The following CDCA2 variants were observed in gnomAD, a reference collection of about 807,000 sequenced individuals.
CDCA2 encodes cell division cycle-associated protein 2.
Under a neutral mutation model 67.0 loss-of-function variants are expected in CDCA2, and 44 were observed. The ratio of observed to expected loss-of-function variants is 0.66; its 90% CI spans 0.52 to 0.84. CDCA2 has a LOEUF of 0.84. Among genes scored for constraint, CDCA2 ranks in the 40% least tolerant of loss-of-function variants. CDCA2 has a pLI of 0.00. For synonymous variants in CDCA2, 447 were observed against 418.7 expected (o/e 1.07, Z -0.82); for missense variants, 1,253 against 1,203.2 (o/e 1.04, Z -0.61).
In CDCA2 at chr8:25,488,676, C is replaced by A; in HGVS notation, c.1658C>A (p.Pro553His). Reference protein sequence around the residue: ...QETKCTKRALPKKSQVLKSCR... With the variant: ...QETKCTKRALHKKSQVLKSCR... ...ACAAAGTGTACAAAGAGAGCACTTC[C>A]TAAGAAGAGTCAGGTAAGCATGTGT... is the stretch of plus-strand genomic sequence containing the variant. Residue 553 changes from proline to histidine, a missense_variant, in exon 13 of 15, where the codon CCT (proline) becomes CAT (histidine). By Grantham distance (77) the Pro-to-His change is moderately conservative (BLOSUM62 -2). Coordinates refer to ENST00000330560, the MANE Select transcript of CDCA2 (RefSeq NM_152562.4). 1 of 1,604,958 alleles carries A rather than the reference C, an allele frequency of 6.2e-7. No homozygotes were observed. The highest frequency in any genetic ancestry group is 8.5e-7 in the Non-Finnish European group (1 of 1,176,852).
intron 5 of CDCA2, 98 bp downstream of exon 5, chr8:25,466,423 C>T (rs1263556550): frequency 1.8e-6 from 2 of 1,105,170 alleles, no homozygotes; most frequent in Non-Finnish European, 2.5e-6. Context: ...CTTTTCAGAA[C>T]ACAGGTATAT....
At chr8:25,469,855 C>G in intron 6 of CDCA2, 41 bp from the exon 7 acceptor site, 1 of 1,309,706 alleles carries the variant, frequency 7.6e-7, no homozygotes. Context: ...TAGTAGTACT[C>G]TAATTAATAA....
chr8:25,479,405 G>C (rs1370530299), intron 7 of CDCA2, among the ~76,000 whole-genome samples: 2 of 152,198 alleles, frequency 1.3e-5, no homozygotes, highest in Non-Finnish European at 2.9e-5. Flanking sequence ...CCTGTGGGAA[G>C]AATTTGGGAA....
At chr8:25,503,154 T>C (rs941682846) in intron 13 of CDCA2, among the ~76,000 whole-genome samples, 1 of 152,014 alleles carries the variant, frequency 6.6e-6, no homozygotes, top group Admixed American at 6.6e-5. Context: ...CGTGGTGGTA[T>C]GTACCTGTGG....
chr8:25,479,595 G>A (rs1216553640), intron 7 of CDCA2: 5 of 349,214 alleles, frequency 1.4e-5, no homozygotes, highest in African/African-American at 1.0e-4. Flanking sequence ...GGTGTCATGA[G>A]TAGAGGCACG....
chr8:25,474,159 G>A (rs1803261789), intron 7 of CDCA2, among the ~76,000 whole-genome samples: 1 of 152,190 alleles, frequency 6.6e-6, no homozygotes, highest in Non-Finnish European at 1.5e-5. Flanking sequence ...TGATCATGGT[G>A]AATGATTCTT....
rs114124918 is a variant in CDCA2, at chr8:25,482,886, A to G, written c.1033-513A>G. Reference sequence around the variant, plus strand: ...TTGTCTCAAAAATAAATAAATAAATAAAAAGTATGCTTTTACATGACATTT... The same window carrying G: ...TTGTCTCAAAAATAAATAAATAAATGAAAAGTATGCTTTTACATGACATTT... On this transcript the variant is annotated intron_variant, in intron 8 of 14. Coordinates refer to ENST00000330560, the MANE Select transcript of CDCA2 (RefSeq NM_152562.4). 2.8e-3 allele frequency among the ~76,000 whole-genome samples: 428 copies of G among 152,274 alleles called. 3 individuals are homozygous for G. Among genetic ancestry groups the G allele is most frequent in the African/African-American group, 9.8e-3 (406 of 41,540 alleles).
Position 25,484,102 on chromosome 8 carries a change from A to G in CDCA2, c.1257A>G (p.Thr419=), listed in dbSNP as rs1269325504. 1.2e-6 allele frequency: 2 copies of G among 1,614,056 alleles called. No homozygotes were observed. The highest frequency in any genetic ancestry group is 2.2e-5 in the East Asian group (1 of 44,890). ...PANTPLRKGG[T]PVCKKDFSGL... ...ATACTCCATTGCGTAAAGGAGGAAC[A>G]CCTGTTTGTAAAAAAGACTTCAGTG... Residue 419 remains threonine (T), a synonymous_variant, in exon 10 of 15, where the codon ACA becomes ACG. Coordinates refer to ENST00000330560, the MANE Select transcript of CDCA2 (RefSeq NM_152562.4).
At chr8:25,485,700 G>T (rs1803747183) in intron 10 of CDCA2, 59 bp from the exon 11 acceptor site, 5 of 898,776 alleles carry the variant, frequency 5.6e-6, no homozygotes, top group Middle Eastern at 2.3e-4. Context: ...CTTCTTTTGG[G>T]CACATTATGT....
chr8:25,478,483 A>G (rs1350049861), intron 7 of CDCA2, among the ~76,000 whole-genome samples: 1 of 152,082 alleles, frequency 6.6e-6, no homozygotes, highest in East Asian at 1.9e-4. Flanking sequence ...AAGTCACAGT[A>G]TCTCACTGCC....
intron 13 of CDCA2, among the ~76,000 whole-genome samples, chr8:25,495,449 C>G (rs1335145515): frequency 6.6e-6 from 1 of 151,438 alleles, no homozygotes; most frequent in African/African-American, 2.4e-5. Context: ...GAGTCTTGCT[C>G]TGTCACCCAG....
At chr8:25,471,774 C>A (rs1025981886) in intron 7 of CDCA2, among the ~76,000 whole-genome samples, 2 of 152,198 alleles carry the variant, frequency 1.3e-5, no homozygotes, top group African/African-American at 2.4e-5. Context: ...TGTCATCATA[C>A]TAAACACCTC....
intron 8 of CDCA2, among the ~76,000 whole-genome samples, chr8:25,481,520 C>G (rs1322549358): frequency 2.0e-5 from 3 of 152,030 alleles, no homozygotes; most frequent in Non-Finnish European, 4.4e-5. Flanking sequence ...GAAACCCCAT[C>G]TCTACTAAAA....
chr8:25,464,246 T>A (rs1452349314), intron 4 of CDCA2, among the ~76,000 whole-genome samples: 2 of 152,166 alleles, frequency 1.3e-5, no homozygotes, highest in Admixed American at 6.5e-5. Flanking sequence ...AAACTCCATC[T>A]CTACAGAAAA....
chr8:25,463,439 G>T (rs1274922704), intron 4 of CDCA2, among the ~76,000 whole-genome samples: 1 of 152,118 alleles, frequency 6.6e-6, no homozygotes, highest in Non-Finnish European at 1.5e-5. Context: ...TTTGTGGTGA[G>T]GCTGGTGCAA....
At chr8:25,498,064 G>A (rs1174345281) in intron 13 of CDCA2, among the ~76,000 whole-genome samples, 1 of 152,168 alleles carries the variant, frequency 6.6e-6, no homozygotes, top group Non-Finnish European at 1.5e-5. Flanking sequence ...GAATCAAATG[G>A]TATGTGTGGA....
chr8:25,488,403 C>A, intron 12 of CDCA2, 149 bp from the exon 13 acceptor site: 1 of 614,154 alleles, frequency 1.6e-6, no homozygotes, highest in Non-Finnish European at 2.5e-6. Flanking sequence ...CAATTTTCAT[C>A]AAAGTGCTTT....
Position 25,480,134 on chromosome 8 carries a change from GA to G in CDCA2, c.1032+11del. 1.2e-6 allele frequency: 2 copies of G among 1,603,700 alleles called. No homozygotes were observed. The highest frequency in any genetic ancestry group is 1.7e-6 in the Non-Finnish European group (2 of 1,172,662). ...TCTAGAGAGCTTACAGGTAAGAAGA[GA>G]GTTAAATTTCCTAAAGCAAATGAAT... On this transcript the variant is annotated intron_variant, in intron 8 of 14. Coordinates refer to ENST00000330560, the MANE Select transcript of CDCA2 (RefSeq NM_152562.4).
intron 3 of CDCA2, among the ~76,000 whole-genome samples, chr8:25,461,719 AAG>A (rs2117473325): frequency 6.6e-6 from 1 of 152,340 alleles, no homozygotes; most frequent in African/African-American, 2.4e-5. Context: ...TATTTAGAAA[AAG>A]AAAAATACTG....
Sources: allele counts gnomAD v4.1 joint callset (sites outside exome capture counted in the v4.1 genomes callset), GRCh38; gene constraint gnomAD v4.1.1; transcripts MANE v1.5; gene names NCBI Gene and HGNC (gene_info 2026-07-23, HGNC 2026-07-21).